Variants in LMO7 observed in about 807,000 individuals in gnomAD.
LMO7 encodes LIM domain only protein 7.
LMO7 carries 120 observed loss-of-function variants against 206.5 expected under a neutral mutation model. The ratio of observed to expected loss-of-function variants is 0.58; its 90% CI spans 0.50 to 0.68. The LOEUF (loss-of-function observed/expected upper bound fraction) is 0.68. Ranked by LOEUF, LMO7 falls within the 30% of genes least tolerant of loss-of-function variation. The probability of loss-of-function intolerance (pLI) is 0.00; values close to 1 mark genes in which losing one functional copy is unlikely to be tolerated. For synonymous variants in LMO7, 706 were observed against 681.5 expected, an observed-to-expected ratio of 1.04 and a Z score of -0.56; for missense variants, 1,959 against 1,957.9, an observed-to-expected ratio of 1.00 and a Z score of -0.01.
chr13:75,647,345 G>A (rs997398479), intron 1 of LMO7, among the ~76,000 whole-genome samples: 1 of 152,286 alleles, frequency 6.6e-6, no homozygotes, highest in East Asian at 1.9e-4. Flanking sequence ...TGTTGTATTA[G>A]TTGGGTTTTC....
chr13:75,643,130 G>A (rs1485371931), intron 1 of LMO7, among the ~76,000 whole-genome samples: 2 of 152,168 alleles, frequency 1.3e-5, no homozygotes, highest in Non-Finnish European at 2.9e-5. Context: ...AATCTGTGTT[G>A]GTTCTTGTCT....
chr13:75,835,158 G>A (rs769194307), intron 17 of LMO7, 75 bp from the exon 18 acceptor site: 4 of 1,586,660 alleles, frequency 2.5e-6, no homozygotes, highest in African/African-American at 1.4e-5. Context: ...TCAGACTGGG[G>A]CAAAGACCAA....
chr13:75,830,501 C>T (rs575652347), intron 15 of LMO7, among the ~76,000 whole-genome samples: 18 of 152,294 alleles, frequency 1.2e-4, no homozygotes, highest in African/African-American at 3.8e-4. Context: ...TGGTTAATGA[C>T]AGATATACAC....
At chr13:75,654,110 A>G (rs1422256059) in intron 1 of LMO7, among the ~76,000 whole-genome samples, 2 of 152,204 alleles carry the variant, frequency 1.3e-5, no homozygotes, top group African/African-American at 4.8e-5. Flanking sequence ...TGGAATGTAT[A>G]TTAAAATTTC....
At chr13:75,634,363 A>G (rs1412301113), upstream of LMO7, among the ~76,000 whole-genome samples, 1 of 151,772 alleles carries the variant, frequency 6.6e-6, no homozygotes, top group African/African-American at 2.4e-5. Context: ...GCTTGAGCCC[A>G]GGAGTTCAAG....
chr13:75,816,654 TCTTATA>T, intron 11 of LMO7: 1 of 114,320 alleles, frequency 8.7e-6, no homozygotes, highest in East Asian at 3.0e-4. Flanking sequence ...GTAGGGCGGA[TCTTATA>T]GGATCTTTTA....
Position 75,761,038 on chromosome 13 carries a change from A to G in LMO7, c.317A>G (p.Lys106Arg), listed in dbSNP as rs767928988. The G allele has an allele frequency of 1.3e-6, 2 of 1,594,108 alleles. No homozygotes were observed. The highest frequency in any genetic ancestry group is 2.3e-5 in the East Asian group (1 of 44,432). Residue 106 changes from lysine to arginine, a missense_variant and splice_region_variant, in exon 4 of 31, where the codon AAG becomes AGG. Lys to Arg is a conservative substitution (Grantham distance 26, BLOSUM62 2). Coordinates refer to ENST00000377534, the MANE Select transcript of LMO7 (RefSeq NM_001306080.2). ...GATTTATCAAATCGAGTCACTGTCAAGTAAGTTTCAACAGTTTGTTAGATA... is the reference window on the plus strand; with the variant it reads ...GATTTATCAAATCGAGTCACTGTCAGGTAAGTTTCAACAGTTTGTTAGATA... ...LQDLSNRVTV[K>R]QEETDRRVKN... is the part of the protein sequence containing the mutation.
intron 1 of LMO7, among the ~76,000 whole-genome samples, chr13:75,642,957 A>T (rs553224886): frequency 6.6e-6 from 1 of 152,358 alleles, no homozygotes. Context: ...CTCTTAAGCC[A>T]CAAAAGGTTC....
chr13:75,690,968 G>T (rs562481211), intron 1 of LMO7, among the ~76,000 whole-genome samples: 2 of 152,042 alleles, frequency 1.3e-5, no homozygotes, highest in African/African-American at 4.8e-5. Flanking sequence ...CCTATAAATT[G>T]TCTTTACACA....
At chr13:75,716,234 G>A (rs2043524467) in intron 2 of LMO7, among the ~76,000 whole-genome samples, 1 of 152,158 alleles carries the variant, frequency 6.6e-6, no homozygotes. Flanking sequence ...AAAGTCAAAA[G>A]TTCGAATAGC....
intron 15 of LMO7, among the ~76,000 whole-genome samples, chr13:75,826,326 G>A (rs1213691013): frequency 6.6e-6 from 1 of 152,158 alleles, no homozygotes; most frequent in Non-Finnish European, 1.5e-5. Context: ...ACAGGTGTGA[G>A]CCACCACACC....
intron 1 of LMO7, chr13:75,688,457 A>G (rs2041196529): frequency 6.6e-6 from 1 of 152,126 alleles, no homozygotes; most frequent in South Asian, 2.1e-4. Flanking sequence ...TATTCTTTCA[A>G]CTTCTGTCGG....
rs747694362 is a variant in LMO7, at chr13:75,807,468, T to G, written c.1197-12T>G. 1.2e-6 allele frequency: 2 copies of G among 1,609,676 alleles called. No individual in the cohort carries two copies. Among genetic ancestry groups the G allele is most frequent in the Non-Finnish European group, 1.7e-6 (2 of 1,178,202 alleles). ...ATAAGATTCTCTTTCCTTTTTCCTC[T>G]CTGTGCATCAGTCAGTTTTTACTGC... is the stretch of plus-strand genomic sequence containing the variant. On this transcript the variant is annotated splice_polypyrimidine_tract_variant and intron_variant, in intron 9 of 30. Coordinates refer to ENST00000377534, the MANE Select transcript of LMO7 (RefSeq NM_001306080.2).
intron 3 of LMO7, among the ~76,000 whole-genome samples, chr13:75,754,216 A>G (rs921664898): frequency 2.0e-5 from 3 of 152,194 alleles, no homozygotes; most frequent in African/African-American, 7.2e-5. Flanking sequence ...TCTGGCAACT[A>G]CCAACCTGCA....
At chr13:75,782,598 T>C (rs1216685336) in intron 4 of LMO7, among the ~76,000 whole-genome samples, 2 of 152,228 alleles carry the variant, frequency 1.3e-5, no homozygotes, top group Non-Finnish European at 2.9e-5. Flanking sequence ...AAACTTACTC[T>C]CCTACATGTC....
At chr13:75,733,707 C>G (rs935642378) in intron 3 of LMO7, among the ~76,000 whole-genome samples, 1 of 152,212 alleles carries the variant, frequency 6.6e-6, no homozygotes, top group African/African-American at 2.4e-5. Context: ...AGACATCACC[C>G]GTCTTCTGCG....
chr13:75,766,398 C>G (rs1314525709), intron 4 of LMO7, among the ~76,000 whole-genome samples: 1 of 151,972 alleles, frequency 6.6e-6, no homozygotes, highest in African/African-American at 2.4e-5. Context: ...TCTGGAGCTA[C>G]AGAGTAGAAA....
At chr13:75,778,753 C>T (rs1016618732) in intron 4 of LMO7, among the ~76,000 whole-genome samples, 7 of 152,152 alleles carry the variant, frequency 4.6e-5, no homozygotes, top group Non-Finnish European at 7.3e-5. Context: ...AGTAGCTAAA[C>T]TCGTTGAAGC....
intron 4 of LMO7, 93 bp downstream of exon 4, chr13:75,761,131 C>T (rs1407959255): frequency 5.0e-6 from 4 of 793,890 alleles, no homozygotes; most frequent in African/African-American, 3.5e-5. Flanking sequence ...TTCATGATTA[C>T]AGAAAAATTC....
Sources: allele counts gnomAD v4.1 joint callset (sites outside exome capture counted in the v4.1 genomes callset), GRCh38; gene constraint gnomAD v4.1.1; transcripts MANE v1.5; gene names NCBI Gene and HGNC (gene_info 2026-07-23, HGNC 2026-07-21).